The following CENPS variants were observed in gnomAD, a reference collection of about 807,000 sequenced individuals.
The protein encoded by CENPS is FANCM associated histone fold protein 1.
A neutral mutation model predicts 17.9 loss-of-function variants in CENPS; 16 were observed. The ratio of observed to expected loss-of-function variants is 0.90; its 90% CI spans 0.61 to 1.36. CENPS has a LOEUF of 1.36. CENPS is among the 40% of genes most tolerant of loss of function. The pLI is 0.00. For synonymous variants in CENPS, 49 were observed against 55.8 expected, an observed-to-expected ratio of 0.88 and a Z score of 0.54; for missense variants, 160 against 158.6, an observed-to-expected ratio of 1.01 and a Z score of -0.05.
At chr1:10,430,672 C>A in intron 1 of CENPS, 104 bp downstream of exon 1, 1 of 1,439,816 alleles carries the variant, frequency 6.9e-7, no homozygotes, top group Non-Finnish European at 9.1e-7. Flanking sequence ...GGCACCCCGC[C>A]CCCGGGCGCC....
chr1:10,435,152 C>T lies in CENPS; in HGVS notation c.209+462C>T, dbSNP rs533152659. 6.8e-4 allele frequency among the ~76,000 whole-genome samples: 104 copies of T among 152,274 alleles called. 1 individual carries two copies. The highest frequency in any genetic ancestry group is 2.4e-3 in the African/African-American group (100 of 41,546). ...GGGTTTTCATTTGCCGCATTTGTTCCGAGTAAGACGCACTCCTTGGAAAGT... is the reference window on the plus strand; with the variant it reads ...GGGTTTTCATTTGCCGCATTTGTTCTGAGTAAGACGCACTCCTTGGAAAGT... On this transcript the variant is annotated intron_variant, in intron 3 of 4. Transcript: ENST00000309048.
At chr1:10,431,019 C>T in intron 1 of CENPS, 1 of 1,314,806 alleles carries the variant, frequency 7.6e-7, no homozygotes, top group Non-Finnish European at 9.7e-7. Flanking sequence ...CGGTGCGGAC[C>T]AGTCAGGCCC....
At chr1:10,431,879 T>C (rs550478551) in intron 1 of CENPS, among the ~76,000 whole-genome samples, 34 of 148,380 alleles carry the variant, frequency 2.3e-4, no homozygotes, top group Non-Finnish European at 4.5e-4. Context: ...AAAGGCATTC[T>C]CCTACTACAT....
At chr1:10,440,452 C>T (rs774501116) in intron 4 of CENPS, 39 bp downstream of exon 4, 48 of 1,608,678 alleles carry the variant, frequency 3.0e-5, no homozygotes, top group African/African-American at 2.7e-5. Context: ...CCTTTCCCAT[C>T]GGAATACATT....
chr1:10,438,233 C>T (rs1258825376), intron 3 of CENPS, among the ~76,000 whole-genome samples: 1 of 151,832 alleles, frequency 6.6e-6, no homozygotes, highest in Non-Finnish European at 1.5e-5. Context: ...CAGTCTCCGT[C>T]TCCTGGGTTC....
chr1:10,430,920 G>C (rs1403347403), intron 1 of CENPS: 3 of 1,261,680 alleles, frequency 2.4e-6, no homozygotes, highest in South Asian at 2.0e-5. Context: ...GACATTCCAG[G>C]TGACGCCCGT....
At chr1:10,437,229 C>T (rs1290521327) in intron 3 of CENPS, among the ~76,000 whole-genome samples, 1 of 152,020 alleles carries the variant, frequency 6.6e-6, no homozygotes, top group Non-Finnish European at 1.5e-5. Flanking sequence ...GATCATAGCT[C>T]ACTGCAACCT....
chr1:10,431,445 T>A, intron 1 of CENPS: 1 of 1,531,458 alleles, frequency 6.5e-7, no homozygotes, highest in Non-Finnish European at 8.7e-7. Flanking sequence ...CACCACTAGT[T>A]AGCATTTTGC....
intron 3 of CENPS, among the ~76,000 whole-genome samples, chr1:10,437,209 G>C (rs1640204339): frequency 6.6e-6 from 1 of 151,896 alleles, no homozygotes; most frequent in Non-Finnish European, 1.5e-5. Context: ...AGGCTGGAGT[G>C]CAGTGGCAGG....
chr1:10,437,148 T>A (rs1054839508), intron 3 of CENPS, among the ~76,000 whole-genome samples: 7 of 152,132 alleles, frequency 4.6e-5, no homozygotes, highest in Non-Finnish European at 8.8e-5. Context: ...AAATTTATTT[T>A]CTTGTTTCTT....
chr1:10,439,352 A>C (rs776616251), intron 3 of CENPS, among the ~76,000 whole-genome samples: 1 of 152,182 alleles, frequency 6.6e-6, no homozygotes, highest in African/African-American at 2.4e-5. Context: ...ATATTATTGA[A>C]TCGAGCTTAT....
Position 10,433,104 on chromosome 1 carries a change from C to T in CENPS, c.52-738C>T, listed in dbSNP as rs188160155. On this transcript the variant is annotated intron_variant, in intron 1 of 4. Coordinates refer to ENST00000309048, the MANE Select transcript of CENPS (RefSeq NM_199294.3). ...ATCACGTGCAGCTCAGCTGTGTCTT[C>T]GGCCCCGAGGCGGAGTACCCACAGG... Among the ~76,000 whole-genome samples, 45 of 152,256 alleles carry T rather than the reference C, an allele frequency of 3.0e-4. No homozygotes were observed. The East Asian group carries it at 5.6e-3, about 19-fold the overall frequency.
intron 1 of CENPS, chr1:10,431,182 A>G: frequency 2.7e-6 from 4 of 1,476,284 alleles, no homozygotes; most frequent in South Asian, 1.3e-5. Flanking sequence ...TCCTTTCATC[A>G]GCGCCGGGCA....
chr1:10,436,721 AG>A lies in CENPS; in HGVS notation c.209+2032del, dbSNP rs199962259. ...ACTCTGTCTCTTTAAAAAAAAAAAA[AG>A]AAAAGAAAAGAAAAAAAAAAGTTTG... On this transcript the variant is annotated intron_variant, in intron 3 of 4. Transcript: ENST00000309048. Among the ~76,000 whole-genome samples the A allele has an allele frequency of 4.1e-4, 45 of 110,530 alleles. 1 individual carries two copies. Among genetic ancestry groups the A allele is most frequent in the East Asian group, 1.7e-3 (6 of 3,586 alleles). The allele number at this position is 110,530 out of a possible 152,430, so 72.5% of individuals were successfully genotyped here.
At chr1:10,438,305 C>T (rs755767554) in intron 3 of CENPS, among the ~76,000 whole-genome samples, 33 of 152,166 alleles carry the variant, frequency 2.2e-4, no homozygotes, top group Middle Eastern at 3.4e-3. Context: ...CCACCATGCC[C>T]GGGTAATTTT....
At chr1:10,433,723 T>C in intron 1 of CENPS, 119 bp from the exon 2 acceptor site, 1 of 1,513,596 alleles carries the variant, frequency 6.6e-7, no homozygotes, top group Non-Finnish European at 8.8e-7. Flanking sequence ...ACTCAGCCAT[T>C]ATGGAAAGCG....
chr1:10,441,751 G>A (rs1018220865), intron 4 of CENPS, among the ~76,000 whole-genome samples: 9 of 144,216 alleles, frequency 6.2e-5, no homozygotes, highest in South Asian at 4.5e-4. Context: ...TCAGCCTCCC[G>A]AGTAGCTGGG....
chr1:10,435,131 T>C (rs1490262571), intron 3 of CENPS, among the ~76,000 whole-genome samples: 1 of 152,150 alleles, frequency 6.6e-6, no homozygotes, highest in African/African-American at 2.4e-5. Context: ...AGGCAGGGGT[T>C]TTCATTTGCC....
At chr1:10,439,094 G>A (rs757118657) in intron 3 of CENPS, among the ~76,000 whole-genome samples, 5 of 152,162 alleles carry the variant, frequency 3.3e-5, no homozygotes, top group South Asian at 2.1e-4. Context: ...TGTCAATCAC[G>A]ATGAGATGAC....
Sources: gnomAD v4.1 joint callset for allele counts (sites outside exome capture counted in the v4.1 genomes callset) on GRCh38, gnomAD v4.1.1 for gene constraint, MANE v1.5 for transcripts, NCBI Gene and HGNC (gene_info 2026-07-23, HGNC 2026-07-21) for gene names.